COL5A2: variants seen among roughly 807,000 people sequenced by gnomAD.
COL5A2 encodes collagen type V alpha 2 chain, also known as collagen alpha-2(V) chain.
Under a neutral mutation model 208.2 loss-of-function variants are expected in COL5A2, and 23 were observed. The observed-to-expected ratio is 0.11, with a 90% confidence interval of 0.08 to 0.16. The LOEUF is 0.16. Ranked by LOEUF, COL5A2 falls within the 10% of genes least tolerant of loss-of-function variation. The pLI, the probability that COL5A2 is intolerant of heterozygous loss-of-function variation, is 1.00. For missense variants in COL5A2, 1,590 were observed against 1,956.4 expected (o/e 0.81, Z 3.53); for synonymous variants, 625 against 628.5 (o/e 0.99, Z 0.08).
chr2:189,054,032 T>G, intron 36 of COL5A2, 84 bp from the exon 37 acceptor site: 1 of 1,447,428 alleles, frequency 6.9e-7, no homozygotes, highest in Middle Eastern at 1.7e-4. Flanking sequence ...TAGGAGGAGA[T>G]AGTGGAAAAG....
chr2:189,262,384 C>A, the COL5A2 span, among the ~76,000 whole-genome samples: 2 of 151,978 alleles, frequency 1.3e-5, no homozygotes, highest in Admixed American at 6.6e-5. Context: ...CACACACACA[C>A]ACATACACAC....
At chr2:189,396,320 T>C in the COL5A2 span, among the ~76,000 whole-genome samples, 3 of 152,144 alleles carry the variant, frequency 2.0e-5, no homozygotes, top group Non-Finnish European at 1.5e-5. Flanking sequence ...TGAAAAGAAA[T>C]AGGCTTTAAA....
At chr2:189,391,535 A>G in the COL5A2 span, among the ~76,000 whole-genome samples, 1 of 152,152 alleles carries the variant, frequency 6.6e-6, no homozygotes, top group Non-Finnish European at 1.5e-5. Context: ...GACGATGTGC[A>G]AAGTGTAATT....
At chr2:189,358,173 C>G in the COL5A2 span, among the ~76,000 whole-genome samples, 1 of 151,988 alleles carries the variant, frequency 6.6e-6, no homozygotes, top group Non-Finnish European at 1.5e-5. Flanking sequence ...CCTGTTTGGC[C>G]ATATGGTCAG....
the COL5A2 span, among the ~76,000 whole-genome samples, chr2:189,322,362 C>T: frequency 6.6e-6 from 1 of 152,044 alleles, no homozygotes; most frequent in African/African-American, 2.4e-5. Flanking sequence ...ACACAAAAAA[C>T]CCTTCAAAAA....
At chr2:189,048,345 G>T in intron 44 of COL5A2, 83 bp from the exon 45 acceptor site, 3 of 1,215,302 alleles carry the variant, frequency 2.5e-6, no homozygotes, top group Non-Finnish European at 3.6e-6. Context: ...ATGACAGCAT[G>T]TTTTACACCT....
the COL5A2 span, among the ~76,000 whole-genome samples, chr2:189,235,725 CT>C: frequency 6.6e-6 from 1 of 151,672 alleles, no homozygotes; most frequent in Non-Finnish European, 1.5e-5. Context: ...TGCTCTTAGA[CT>C]TTTTAGCTCC....
the COL5A2 span, among the ~76,000 whole-genome samples, chr2:189,265,158 CA>C: frequency 1.3e-5 from 2 of 152,052 alleles, no homozygotes; most frequent in Non-Finnish European, 2.9e-5. Context: ...TGGAAGGAAG[CA>C]TAAGAGTAAA....
At chr2:189,175,593 G>A (rs1337058993) in intron 1 of COL5A2, among the ~76,000 whole-genome samples, 1 of 149,230 alleles carries the variant, frequency 6.7e-6, no homozygotes, top group East Asian at 2.0e-4. Flanking sequence ...ACCCAGACTG[G>A]AGTGCAGTGG....
At chr2:189,308,807 G>A in the COL5A2 span, among the ~76,000 whole-genome samples, 3 of 152,086 alleles carry the variant, frequency 2.0e-5, no homozygotes, top group Non-Finnish European at 2.9e-5. Context: ...TTTCTGGACC[G>A]AAACAAATTC....
At chr2:189,177,829 C>T (rs1057005251) in intron 1 of COL5A2, among the ~76,000 whole-genome samples, 14 of 152,120 alleles carry the variant, frequency 9.2e-5, no homozygotes, top group Non-Finnish European at 1.9e-4. Flanking sequence ...TAAAATATGG[C>T]TTATTTCATG....
rs1685342686 is a variant in COL5A2, at chr2:189,031,898, T to A, written c.*2172A>T. 1.3e-5 allele frequency: 2 copies of A among 152,236 alleles called. No individual in the cohort carries two copies. The highest frequency in any genetic ancestry group is 2.1e-4 in the South Asian group (1 of 4,826). 9.4% of individuals were successfully genotyped at this position (152,236 alleles called of 1,614,324 possible). ...GGCAAGAAATTTGAGAGCTTTGGAA[T>A]GGTCTGGGCAGGCTTTTATTGGTAG... On this transcript the variant is annotated 3_prime_UTR_variant, in exon 54 of 54. Transcript: ENST00000374866.
chr2:189,128,470 T>A (rs1010036586), intron 1 of COL5A2, among the ~76,000 whole-genome samples: 1 of 152,036 alleles, frequency 6.6e-6, no homozygotes, highest in South Asian at 2.1e-4. Context: ...ATCCCTCATA[T>A]TGAAGAGTTT....
the COL5A2 span, among the ~76,000 whole-genome samples, chr2:189,235,676 G>T: frequency 6.6e-6 from 1 of 151,650 alleles, no homozygotes; most frequent in Non-Finnish European, 1.5e-5. Flanking sequence ...TCCATTGTAT[G>T]AACATACCAT....
chr2:189,132,331 A>C (rs1687732189), intron 1 of COL5A2, among the ~76,000 whole-genome samples: 1 of 152,240 alleles, frequency 6.6e-6, no homozygotes. Flanking sequence ...GAAAGGTTAC[A>C]AACCTGATTT....
intron 1 of COL5A2, among the ~76,000 whole-genome samples, chr2:189,190,338 T>C (rs1688907822): frequency 6.6e-6 from 1 of 152,206 alleles, no homozygotes; most frequent in Non-Finnish European, 1.5e-5. Flanking sequence ...TTTATAAATG[T>C]GCCTTGTCTT....
chr2:189,085,386 G>A (rs922489722), intron 10 of COL5A2, among the ~76,000 whole-genome samples, 173 bp from the exon 11 acceptor site: 1 of 152,104 alleles, frequency 6.6e-6, no homozygotes, highest in Non-Finnish European at 1.5e-5. Context: ...TGAATTTTAT[G>A]TTGCATCCCC....
chr2:189,397,593 A>C, the COL5A2 span, among the ~76,000 whole-genome samples: 1 of 139,326 alleles, frequency 7.2e-6, no homozygotes, highest in Non-Finnish European at 1.6e-5. Context: ...ATATTTTCAA[A>C]TTTATTAGTA....
intron 31 of COL5A2, among the ~76,000 whole-genome samples, chr2:189,059,815 T>A (rs912327236): frequency 6.6e-6 from 1 of 151,664 alleles, no homozygotes; most frequent in Non-Finnish European, 1.5e-5. Flanking sequence ...GAACTCCTGA[T>A]GCCAAGTGAT....
Sources: allele counts gnomAD v4.1 joint callset (sites outside exome capture counted in the v4.1 genomes callset), GRCh38; gene constraint gnomAD v4.1.1; transcripts MANE v1.5; gene names NCBI Gene and HGNC (gene_info 2026-07-23, HGNC 2026-07-21).